Variants in ROBO2 observed in about 807,000 individuals in gnomAD.
ROBO2 encodes the protein roundabout homolog 2.
A neutral mutation model predicts 160.8 loss-of-function variants in ROBO2; 53 were observed. The ratio of observed to expected loss-of-function variants is 0.33; its 90% CI spans 0.26 to 0.41. The LOEUF (loss-of-function observed/expected upper bound fraction) is 0.41, where lower values mean the gene tolerates loss of function less well. Among genes scored for constraint, ROBO2 ranks in the 10% least tolerant of loss-of-function variants. The pLI, the probability that ROBO2 is intolerant of heterozygous loss-of-function variation, is 1.00. For missense variants in ROBO2, 1,577 were observed against 1,722.4 expected, an observed-to-expected ratio of 0.92 and a Z score of 1.49; for synonymous variants, 664 against 611.7, an observed-to-expected ratio of 1.09 and a Z score of -1.26.
intron 2 of ROBO2, among the ~76,000 whole-genome samples, chr3:77,290,791 G>C (rs1351359039): frequency 1.0e-5 from 1 of 98,542 alleles, no homozygotes; most frequent in Non-Finnish European, 2.2e-5. Flanking sequence ...TGGGTAAGCT[G>C]AGGCTAGATC....
intron 2 of ROBO2, among the ~76,000 whole-genome samples, chr3:77,276,771 T>G (rs2059857059): frequency 6.6e-6 from 1 of 152,116 alleles, no homozygotes. Context: ...GAAAGAGGTT[T>G]AATGGACCCA....
intron 1 of ROBO2, among the ~76,000 whole-genome samples, chr3:77,054,538 GT>G: frequency 6.6e-6 from 1 of 152,172 alleles, no homozygotes; most frequent in Non-Finnish European, 1.5e-5. Flanking sequence ...CACATTCCTG[GT>G]TAATAAGGAT....
intron 2 of ROBO2, among the ~76,000 whole-genome samples, chr3:76,886,706 G>T (rs931341864): frequency 1.3e-5 from 2 of 152,110 alleles, no homozygotes; most frequent in Non-Finnish European, 2.9e-5. Flanking sequence ...CTAGAAATCA[G>T]GAGAGCACAG....
intron 2 of ROBO2, among the ~76,000 whole-genome samples, chr3:77,322,626 TAATATCCAC>T (rs2064838364): frequency 6.6e-6 from 1 of 151,390 alleles, no homozygotes; most frequent in Non-Finnish European, 1.5e-5. Context: ...TTTGTTTAGA[TAATATCCAC>T]ACTTGGTTGG....
chr3:77,007,630 G>T (rs2061650286), intron 2 of ROBO2, among the ~76,000 whole-genome samples: 1 of 152,078 alleles, frequency 6.6e-6, no homozygotes, highest in South Asian at 2.1e-4. Context: ...TTTCATGGCA[G>T]TAAATAGCAT....
chr3:76,444,812 G>T (rs1451961154), intron 2 of ROBO2, among the ~76,000 whole-genome samples: 1 of 152,078 alleles, frequency 6.6e-6, no homozygotes, highest in East Asian at 1.9e-4. Context: ...TAATCCTATA[G>T]TTGTTTTTAC....
At chr3:76,611,935 C>T (rs1272625178) in intron 2 of ROBO2, among the ~76,000 whole-genome samples, 1 of 152,040 alleles carries the variant, frequency 6.6e-6, no homozygotes. Flanking sequence ...TTGCAGTATT[C>T]CATAGTTGTT....
In ROBO2 at chr3:76,526,674, A is replaced by G. The variant is rs558109134; in HGVS notation, c.110-571340A>G. ...TCTCTCCCAATGCAGGGTGGTAAAG[A>G]TATATTTTATTCAGCTGAATTGTTG... On this transcript the variant is annotated intron_variant, in intron 2 of 26. Coordinates refer to the ROBO2 transcript ENST00000487694. 4.3e-4 allele frequency among the ~76,000 whole-genome samples: 65 copies of G among 152,134 alleles called. No homozygotes were observed. In the East Asian group the frequency reaches 7.3e-3, roughly 17 times the overall value.
chr3:76,442,544 C>G (rs1223963431), intron 2 of ROBO2, among the ~76,000 whole-genome samples: 2 of 152,120 alleles, frequency 1.3e-5, no homozygotes, highest in African/African-American at 4.8e-5. Flanking sequence ...TACAGTGGTT[C>G]CCCTTTATTC....
At chr3:76,691,263 A>T (rs991905908) in intron 2 of ROBO2, among the ~76,000 whole-genome samples, 1 of 152,018 alleles carries the variant, frequency 6.6e-6, no homozygotes, top group East Asian at 1.9e-4. Context: ...CCACCATGTT[A>T]CATCACAGCA....
chr3:76,015,008 T>A (rs2066365461), intron 2 of ROBO2, among the ~76,000 whole-genome samples: 2 of 152,178 alleles, frequency 1.3e-5, no homozygotes, highest in Admixed American at 1.3e-4. Context: ...TGAGCTAATA[T>A]CAATCTGTAT....
intron 2 of ROBO2, among the ~76,000 whole-genome samples, chr3:77,027,972 G>A (rs1476226432): frequency 6.6e-6 from 1 of 152,024 alleles, no homozygotes; most frequent in Non-Finnish European, 1.5e-5. Flanking sequence ...TAAATCACAT[G>A]GCTTTCTCTA....
chr3:77,029,569 C>G (rs1239345017), intron 2 of ROBO2, among the ~76,000 whole-genome samples: 3 of 152,228 alleles, frequency 2.0e-5, no homozygotes, highest in African/African-American at 7.2e-5. Context: ...CTACATTTTG[C>G]AAGAGAGATT....
At chr3:77,627,389 C>T (rs192597439) in intron 23 of ROBO2, among the ~76,000 whole-genome samples, 167 of 152,204 alleles carry the variant, frequency 1.1e-3, no homozygotes, top group African/African-American at 3.8e-3. Flanking sequence ...AAGAGATTCT[C>T]CTGCCTCAGC....
intron 2 of ROBO2, among the ~76,000 whole-genome samples, chr3:76,619,049 G>A (rs1293266136): frequency 6.6e-6 from 1 of 151,590 alleles, no homozygotes; most frequent in Admixed American, 6.6e-5. Flanking sequence ...AAAAAGGAAA[G>A]AAAAAAATAG....
intron 2 of ROBO2, among the ~76,000 whole-genome samples, chr3:76,393,060 T>A (rs2077234619): frequency 1.3e-5 from 2 of 152,192 alleles, no homozygotes. Context: ...ACCTGTCAAG[T>A]ATCAAACAGG....
At chr3:77,637,478 T>C (rs941445013) in intron 24 of ROBO2, among the ~76,000 whole-genome samples, 1 of 152,196 alleles carries the variant, frequency 6.6e-6, no homozygotes, top group African/African-American at 2.4e-5. Context: ...AAGGGTAGAA[T>C]TGAGATTTTT....
At chr3:77,377,787 A>T (rs6548503) in intron 2 of ROBO2, among the ~76,000 whole-genome samples, 2 of 151,968 alleles carry the variant, frequency 1.3e-5, no homozygotes, top group Non-Finnish European at 1.5e-5. Flanking sequence ...GTGTTTAATC[A>T]TTTTGTGAAC....
chr3:77,635,228 T>C (rs1050548368), intron 24 of ROBO2, among the ~76,000 whole-genome samples, 185 bp downstream of exon 25: 3 of 152,092 alleles, frequency 2.0e-5, no homozygotes, highest in African/African-American at 7.2e-5. Flanking sequence ...ATTATTTCTA[T>C]ATTATTAAGC....
Sources: gnomAD v4.1 joint callset for allele counts (sites outside exome capture counted in the v4.1 genomes callset) on GRCh38, gnomAD v4.1.1 for gene constraint, MANE v1.5 for transcripts, NCBI Gene and HGNC (gene_info 2026-07-23, HGNC 2026-07-21) for gene names.